The following CLYBL variants were observed in gnomAD, a reference collection of about 807,000 sequenced individuals.
CLYBL encodes citramalyl-CoA lyase, also known as citramalyl-CoA lyase, mitochondrial.
In CLYBL, 31 loss-of-function variants were observed where a neutral mutation model predicts 38.9. That is an observed-to-expected ratio of 0.80 (90% CI 0.60 to 1.08). The LOEUF is 1.08. Ranked by LOEUF, CLYBL falls within the 50% of genes least tolerant of loss-of-function variation. The pLI, the probability that CLYBL is intolerant of heterozygous loss-of-function variation, is 0.00. For synonymous variants in CLYBL, 171 were observed against 158.6 expected (o/e 1.08, Z -0.59); for missense variants, 434 against 411.6 (o/e 1.05, Z -0.47).
chr13:99,716,398 T>TCTTTC (rs201697265), intron 1 of CLYBL, among the ~76,000 whole-genome samples: 1 of 144,516 alleles, frequency 6.9e-6, no homozygotes, highest in African/African-American at 2.6e-5. Context: ...TTCTTTTCTT[T>TCTTTC]TTTTTTTTTT....
chr13:99,831,856 T>G (rs1481863715), intron 2 of CLYBL, among the ~76,000 whole-genome samples: 1 of 152,142 alleles, frequency 6.6e-6, no homozygotes, highest in Non-Finnish European at 1.5e-5. Context: ...CCTGTCTGGT[T>G]TAGGGTATTT....
chr13:99,838,046 A>G (rs2050980068), intron 2 of CLYBL, among the ~76,000 whole-genome samples: 1 of 152,224 alleles, frequency 6.6e-6, no homozygotes, highest in African/African-American at 2.4e-5. Flanking sequence ...TGCTTCTTGA[A>G]TACAGTTTAA....
chr13:99,709,085 T>C (rs1426319673), intron 1 of CLYBL, among the ~76,000 whole-genome samples: 1 of 151,618 alleles, frequency 6.6e-6, no homozygotes, highest in Non-Finnish European at 1.5e-5. Context: ...AGAGCGAGAC[T>C]CTGTCTAAAA....
intron 1 of CLYBL, among the ~76,000 whole-genome samples, chr13:99,644,920 C>T (rs2047155013): frequency 2.0e-5 from 3 of 152,270 alleles, no homozygotes; most frequent in Admixed American, 1.3e-4. Context: ...ATTTAGCTAC[C>T]GATGGCCCCT....
chr13:99,776,354 G>T (rs1029031864), intron 2 of CLYBL, among the ~76,000 whole-genome samples: 1 of 151,316 alleles, frequency 6.6e-6, no homozygotes, highest in African/African-American at 2.4e-5. Context: ...AAATCAGCCA[G>T]GAGTGGTGGC....
downstream of CLYBL, among the ~76,000 whole-genome samples, chr13:99,900,959 C>T (rs992315061): frequency 2.0e-5 from 3 of 152,200 alleles, no homozygotes; most frequent in East Asian, 1.9e-4. Flanking sequence ...TGATGTCCCC[C>T]GGCCCCTGTA....
Position 99,809,850 on chromosome 13 carries a change from G to A in CLYBL, c.249+36840G>A, listed in dbSNP as rs74997793. ...GACATGCCAGTCTGCCAGTGAGAGA[G>A]CCTGAAGGAACTTCAGGAGAGAAAC... On this transcript the variant is annotated intron_variant, in intron 2 of 8. Coordinates refer to ENST00000339105, the MANE Select transcript of CLYBL (RefSeq NM_206808.5). 3.6e-3 allele frequency among the ~76,000 whole-genome samples: 542 copies of A among 152,298 alleles called. 5 individuals carry two copies. The highest frequency in any genetic ancestry group is 0.012 in the African/African-American group (509 of 41,556).
intron 1 of CLYBL, among the ~76,000 whole-genome samples, chr13:99,632,598 A>G (rs1487468623): frequency 1.3e-5 from 2 of 152,180 alleles, no homozygotes; most frequent in African/African-American, 4.8e-5. Flanking sequence ...AAAAAAAATT[A>G]GCCAGGTGTG....
At chr13:99,905,699 GT>G (rs2052689341) in intron 9 of CLYBL, among the ~76,000 whole-genome samples, 1 of 141,776 alleles carries the variant, frequency 7.1e-6, no homozygotes, top group Admixed American at 7.4e-5. Flanking sequence ...CCATAAAAAA[GT>G]GTTTTTTGGT....
chr13:99,734,401 A>G (rs2048635142), intron 1 of CLYBL, among the ~76,000 whole-genome samples: 1 of 151,490 alleles, frequency 6.6e-6, no homozygotes, highest in Non-Finnish European at 1.5e-5. Flanking sequence ...AGAAATTGAG[A>G]TTAAAAAAAA....
At chr13:99,768,494 CTTTTTTTTTTTTTTTT>C (rs779750350) in intron 1 of CLYBL, among the ~76,000 whole-genome samples, 9 of 84,892 alleles carry the variant, frequency 1.1e-4, no homozygotes, top group South Asian at 4.8e-4. Flanking sequence ...CGCCCGACCT[CTTTTTTTTTTTTTTTT>C]TTTTTTTTTT....
downstream of CLYBL, chr13:99,895,294 C>T (rs1036863838): frequency 2.6e-5 from 4 of 152,146 alleles, no homozygotes; most frequent in Non-Finnish European, 5.9e-5. Flanking sequence ...TTCGGTTTAC[C>T]TTGGAAAACT....
chr13:99,631,227 T>C (rs1384426510), intron 1 of CLYBL, among the ~76,000 whole-genome samples: 2 of 151,548 alleles, frequency 1.3e-5, no homozygotes, highest in Non-Finnish European at 2.9e-5. Context: ...GAGGTTGAGG[T>C]GGGAGGATTG....
intron 1 of CLYBL, among the ~76,000 whole-genome samples, chr13:99,678,372 T>C (rs2047684811): frequency 6.6e-6 from 1 of 152,200 alleles, no homozygotes; most frequent in Admixed American, 6.5e-5. Context: ...TCACTAGTTA[T>C]CTCCTAAGTG....
chr13:99,803,727 T>TG (rs1222959890), intron 2 of CLYBL, among the ~76,000 whole-genome samples: 1 of 152,216 alleles, frequency 6.6e-6, no homozygotes, highest in East Asian at 1.9e-4. Flanking sequence ...CTTGTTGATC[T>TG]GGGGGGTCCA....
chr13:99,703,369 T>G (rs566788428), intron 1 of CLYBL, among the ~76,000 whole-genome samples: 3 of 152,122 alleles, frequency 2.0e-5, no homozygotes, highest in African/African-American at 7.2e-5. Flanking sequence ...TTAGTTTTTT[T>G]GTTTGCTTGG....
intron 2 of CLYBL, among the ~76,000 whole-genome samples, chr13:99,812,205 A>T (rs75545957): frequency 6.6e-6 from 1 of 152,098 alleles, no homozygotes; most frequent in Non-Finnish European, 1.5e-5. Flanking sequence ...TAAAGTCCAA[A>T]AACTTCTTAA....
chr13:99,672,877 G>A (rs936849767), intron 1 of CLYBL, among the ~76,000 whole-genome samples: 1 of 152,120 alleles, frequency 6.6e-6, no homozygotes, highest in African/African-American at 2.4e-5. Flanking sequence ...AACCCTTAAA[G>A]TTGCCATTAG....
intron 1 of CLYBL, among the ~76,000 whole-genome samples, chr13:99,635,368 G>C (rs2139248174): frequency 6.6e-6 from 1 of 152,004 alleles, no homozygotes; most frequent in South Asian, 2.1e-4. Flanking sequence ...TGCAGAGTGA[G>C]GTCCTGTCTT....
Sources: allele counts gnomAD v4.1 joint callset (sites outside exome capture counted in the v4.1 genomes callset), GRCh38; gene constraint gnomAD v4.1.1; transcripts MANE v1.5; gene names NCBI Gene and HGNC (gene_info 2026-07-23, HGNC 2026-07-21).